The following GLI3 variants were observed in gnomAD, a reference collection of about 807,000 sequenced individuals.
The protein encoded by GLI3 is transcription activator GLI3.
In GLI3, 20 loss-of-function variants were observed where a neutral mutation model predicts 100.8. The observed-to-expected ratio is 0.20, with a 90% CI of 0.14 to 0.29. The LOEUF (loss-of-function observed/expected upper bound fraction) is 0.29, where lower values mean the gene tolerates loss of function less well. Among genes scored for constraint, GLI3 ranks in the 10% least tolerant of loss-of-function variants. GLI3 has a pLI of 1.00. For synonymous variants in GLI3, 938 were observed against 860.5 expected, an observed-to-expected ratio of 1.09 and a Z score of -1.58; for missense variants, 2,040 against 2,128.5, an observed-to-expected ratio of 0.96 and a Z score of 0.82.
At chr7:42,078,424 C>T (rs111993851) in intron 3 of GLI3, among the ~76,000 whole-genome samples, 116 of 152,074 alleles carry the variant, frequency 7.6e-4, no homozygotes, top group African/African-American at 2.5e-3. Flanking sequence ...GTAAAAAAAA[C>T]GATGAGCATA....
At chr7:42,006,401 C>T (rs543616910) in intron 10 of GLI3, among the ~76,000 whole-genome samples, 2 of 152,166 alleles carry the variant, frequency 1.3e-5, no homozygotes, top group East Asian at 1.9e-4. Context: ...TGGGCCACCA[C>T]GTGCTGGCAG....
At chr7:42,231,729 T>C (rs1407575615) in intron 1 of GLI3, among the ~76,000 whole-genome samples, 1 of 152,204 alleles carries the variant, frequency 6.6e-6, no homozygotes, top group African/African-American at 2.4e-5. Context: ...TTTTTAAAAA[T>C]ATCACAAAAT....
At chr7:42,222,983 G>A (rs929921161) in intron 2 of GLI3, 147 bp downstream of exon 2, 5 of 843,816 alleles carry the variant, frequency 5.9e-6, no homozygotes, top group Middle Eastern at 3.6e-4. Context: ...ATGTCCCCCC[G>A]CCGTCCCCCC....
At chr7:42,245,166 G>A (rs1053383894) in intron 1 of GLI3, among the ~76,000 whole-genome samples, 17 of 152,246 alleles carry the variant, frequency 1.1e-4, no homozygotes, top group African/African-American at 3.9e-4. Context: ...GGCGATAGTG[G>A]AAGGAAAGTA....
intron 7 of GLI3, among the ~76,000 whole-genome samples, chr7:42,032,967 G>C (rs1242019464): frequency 1.3e-5 from 2 of 152,148 alleles, no homozygotes; most frequent in South Asian, 2.1e-4. Context: ...ACAGTGCCAG[G>C]GTTTCTGCAC....
chr7:42,035,852 A>G (rs1789423752), intron 7 of GLI3, among the ~76,000 whole-genome samples: 2 of 152,230 alleles, frequency 1.3e-5, no homozygotes, highest in South Asian at 4.1e-4. Context: ...TATTTGATAA[A>G]TATAAATTAT....
At chr7:42,261,235 G>C (rs10257205) in intron 1 of GLI3, among the ~76,000 whole-genome samples, 57,653 of 151,106 alleles carry the variant, frequency 0.38, 11,589 homozygotes, top group East Asian at 0.47. Flanking sequence ...CACACACACA[G>C]AGAGAGATTA....
Position 42,097,188 on chromosome 7 carries a change from G to A in GLI3, c.368-20331C>T, listed in dbSNP as rs115540925. 3.2e-3 allele frequency among the ~76,000 whole-genome samples: 489 copies of A among 152,316 alleles called. 3 individuals are homozygous for A. The highest frequency in any genetic ancestry group is 0.011 in the African/African-American group (453 of 41,576). ...AGAGAATTCACTGGCACTCCCTGCT[G>A]CTTTTATTGCTTTCGTTCAACAGCT... On this transcript the variant is annotated intron_variant, in intron 3 of 14. Transcript: ENST00000395925.
intron 10 of GLI3, among the ~76,000 whole-genome samples, chr7:42,018,297 G>C (rs547610070): frequency 6.6e-6 from 1 of 152,268 alleles, no homozygotes; most frequent in East Asian, 1.9e-4. Flanking sequence ...GAATTAACTA[G>C]CAACTCCATG....
At chr7:41,968,725 A>AAAGAAAGAAAGAAAGAAAG in intron 13 of GLI3, among the ~76,000 whole-genome samples, 4 of 103,080 alleles carry the variant, frequency 3.9e-5, no homozygotes, top group African/African-American at 2.0e-4. Flanking sequence ...AGAAAGAAAG[A>AAAGAAAGAAAGAAAGAAAG]AAGAAAGAAA....
intron 3 of GLI3, among the ~76,000 whole-genome samples, chr7:42,122,853 A>C (rs972046812): frequency 1.3e-5 from 2 of 152,244 alleles, no homozygotes; most frequent in African/African-American, 2.4e-5. Flanking sequence ...CTAGAGCCTG[A>C]ACAGGGTGAA....
At chr7:42,098,876 T>G (rs1223804381) in intron 3 of GLI3, among the ~76,000 whole-genome samples, 1 of 152,156 alleles carries the variant, frequency 6.6e-6, no homozygotes, top group Non-Finnish European at 1.5e-5. Flanking sequence ...CAATTCCTAT[T>G]TATTCTCTCA....
intron 1 of GLI3, among the ~76,000 whole-genome samples, chr7:42,263,339 C>A (rs1054048912): frequency 2.6e-4 from 39 of 152,290 alleles, no homozygotes; most frequent in African/African-American, 9.1e-4. Context: ...AAAGGGAGAG[C>A]TGTGATGCTT....
intron 3 of GLI3, among the ~76,000 whole-genome samples, chr7:42,130,751 G>C (rs1786256181): frequency 1.3e-5 from 2 of 152,130 alleles, no homozygotes; most frequent in Admixed American, 1.3e-4. Context: ...GTTAACGAAT[G>C]AATCTTCAGA....
At position 42,102,178 on chromosome 7, in the gene GLI3, T is replaced by C. The variant is rs189678003; in HGVS notation, c.368-25321A>G. On this transcript the variant is annotated intron_variant, in intron 3 of 14. Coordinates refer to ENST00000395925, the MANE Select transcript of GLI3 (RefSeq NM_000168.6). ...CATGTGTCTTTATAGCAGCATGATTTATAGTCCTTTGGGTATATACCCAGT... is the reference window on the plus strand; with the variant it reads ...CATGTGTCTTTATAGCAGCATGATTCATAGTCCTTTGGGTATATACCCAGT... Among the ~76,000 whole-genome samples, 250 of 152,234 alleles carry C rather than the reference T, an allele frequency of 1.6e-3. 1 individual carries two copies. Among genetic ancestry groups the C allele is most frequent in the Non-Finnish European group, 6.3e-4 (43 of 68,032 alleles).
At chr7:42,091,748 C>T (rs1364334081) in intron 3 of GLI3, among the ~76,000 whole-genome samples, 4 of 152,220 alleles carry the variant, frequency 2.6e-5, no homozygotes, top group African/African-American at 7.2e-5. Flanking sequence ...CAGCAATATC[C>T]GCTCGCTCGG....
At chr7:42,171,531 G>T (rs891934250) in intron 2 of GLI3, among the ~76,000 whole-genome samples, 1 of 152,148 alleles carries the variant, frequency 6.6e-6, no homozygotes, top group Admixed American at 6.5e-5. Context: ...ATTTTGCTAT[G>T]TTCTTCAATA....
At chr7:42,057,377 C>T (rs1246398483) in intron 4 of GLI3, among the ~76,000 whole-genome samples, 3 of 152,196 alleles carry the variant, frequency 2.0e-5, no homozygotes, top group Non-Finnish European at 4.4e-5. Context: ...AACAGGAACT[C>T]TCAATATGAG....
intron 2 of GLI3, among the ~76,000 whole-genome samples, chr7:42,192,902 C>T (rs920996189): frequency 1.2e-4 from 18 of 152,150 alleles, no homozygotes; most frequent in South Asian, 8.3e-4. Context: ...AAACAGGCAA[C>T]GAGAACCAGC....
Sources: gnomAD v4.1 joint callset for allele counts (sites outside exome capture counted in the v4.1 genomes callset) on GRCh38, gnomAD v4.1.1 for gene constraint, MANE v1.5 for transcripts, NCBI Gene and HGNC (gene_info 2026-07-23, HGNC 2026-07-21) for gene names.